FBXL20: variants seen among roughly 807,000 people sequenced by gnomAD.
FBXL20 encodes the protein F-box and leucine rich repeat protein 20.
Under a neutral mutation model 64.0 loss-of-function variants are expected in FBXL20, and 11 were observed. The ratio of observed to expected loss-of-function variants is 0.17; its 90% confidence interval spans 0.11 to 0.28. The LOEUF is 0.28. FBXL20 is among the 10% of genes least tolerant of loss of function. FBXL20 has a pLI of 1.00. For missense variants in FBXL20, 303 were observed against 526.2 expected, an observed-to-expected ratio of 0.58 and a Z score of 4.15; for synonymous variants, 184 against 189.0, an observed-to-expected ratio of 0.97 and a Z score of 0.22.
At chr17:39,367,592 C>CA (rs1224022689) in intron 1 of FBXL20, among the ~76,000 whole-genome samples, 1 of 152,000 alleles carries the variant, frequency 6.6e-6, no homozygotes. Context: ...GCTAGGATTA[C>CA]AGGCATGAGC....
Position 39,261,455 on chromosome 17 carries a change from C to T in FBXL20, c.*5G>A. 6.2e-7 allele frequency: 1 copy of T among 1,610,612 alleles called. No individual in the cohort carries two copies. The highest frequency in any genetic ancestry group is 8.5e-7 in the Non-Finnish European group (1 of 1,176,862). The stretch of plus-strand genomic sequence containing the variant: ...TCAGTTCGCCAAGGTTGACCACCTC[C>T]ATTGTCATAGGATGATGCAGCATCT... On this transcript the variant is annotated 3_prime_UTR_variant, in exon 15 of 15. Coordinates refer to ENST00000264658, the MANE Select transcript of FBXL20 (RefSeq NM_032875.3).
chr17:39,331,144 C>T (rs767791335), intron 2 of FBXL20, among the ~76,000 whole-genome samples: 7 of 152,178 alleles, frequency 4.6e-5, no homozygotes, highest in Non-Finnish European at 7.3e-5. Flanking sequence ...TCTCGCTCTG[C>T]GCCCAGGCTA....
At chr17:39,337,261 T>G (rs948437235) in intron 2 of FBXL20, among the ~76,000 whole-genome samples, 1 of 152,204 alleles carries the variant, frequency 6.6e-6, no homozygotes, top group African/African-American at 2.4e-5. Context: ...GTGCCGGGAT[T>G]GCAGACGGAG....
chr17:39,374,099 C>T (rs931178393), intron 1 of FBXL20, among the ~76,000 whole-genome samples: 1 of 109,794 alleles, frequency 9.1e-6, no homozygotes, highest in Non-Finnish European at 1.9e-5. Context: ...GTGGTGGGCG[C>T]CTGTAGTCCC....
rs1567883085 is a variant in FBXL20, at chr17:39,331,320, C to T, written c.104+11860G>A. Reference sequence around the variant, plus strand: ...TTTACCATGTTAGTCAGGCTGGTCTCGAACTCCTGGACTCAGATTTTCTGC... The same window carrying T: ...TTTACCATGTTAGTCAGGCTGGTCTTGAACTCCTGGACTCAGATTTTCTGC... On this transcript the variant is annotated intron_variant, in intron 2 of 14. Transcript: ENST00000264658. 2.6e-5 allele frequency among the ~76,000 whole-genome samples: 4 copies of T among 152,208 alleles called. No individual in the cohort carries two copies. In the South Asian group the frequency reaches 6.2e-4, roughly 24 times the overall value.
chr17:39,298,771 G>C (rs1413240473), intron 5 of FBXL20, among the ~76,000 whole-genome samples: 2 of 151,762 alleles, frequency 1.3e-5, no homozygotes, highest in Admixed American at 1.3e-4. Context: ...AGCTCCAAAA[G>C]AACCACTTAT....
In FBXL20 at chr17:39,256,334, A is replaced by G. The variant is rs1213561914; in HGVS notation, c.*5126T>C. ...AGACTCCATGTCAAAAAAAAAAAAA[A>G]AAAAAAGAAATATAGGCGAGGAAAG... On this transcript the variant is annotated 3_prime_UTR_variant, in exon 15 of 15. Coordinates refer to ENST00000264658, the MANE Select transcript of FBXL20 (RefSeq NM_032875.3). 2.0e-5 allele frequency: 3 copies of G among 152,002 alleles called. No homozygotes were observed. The highest frequency in any genetic ancestry group is 4.4e-5 in the Non-Finnish European group (3 of 68,032). The allele number at this position is 152,002 out of a possible 1,614,324, so 9.4% of individuals were successfully genotyped here. A position where few individuals can be genotyped will look rare whatever the true frequency, so the allele number is the denominator to read the frequency against.
intron 1 of FBXL20, among the ~76,000 whole-genome samples, chr17:39,373,104 T>A (rs2047934366): frequency 1.3e-5 from 2 of 152,122 alleles, no homozygotes; most frequent in South Asian, 4.1e-4. Context: ...TACCCATTTT[T>A]AATGCTCAGC....
intron 2 of FBXL20, among the ~76,000 whole-genome samples, chr17:39,305,379 T>C (rs1466870291): frequency 6.6e-6 from 1 of 152,170 alleles, no homozygotes; most frequent in Non-Finnish European, 1.5e-5. Flanking sequence ...ATAAGCTACC[T>C]GTGCAAATAG....
At chr17:39,399,524 C>T (rs1429978484) in intron 1 of FBXL20, among the ~76,000 whole-genome samples, 2 of 152,158 alleles carry the variant, frequency 1.3e-5, no homozygotes, top group Non-Finnish European at 2.9e-5. Context: ...CATCTGTATT[C>T]CGGCATGGAA....
At chr17:39,297,388 T>C (rs1412616605) in intron 5 of FBXL20, 193 bp from the exon 6 acceptor site, 1 of 381,958 alleles carries the variant, frequency 2.6e-6, no homozygotes. Context: ...TGTAATTTCC[T>C]GAGTGATAGT....
At chr17:39,395,833 G>C (rs1395039179) in intron 1 of FBXL20, among the ~76,000 whole-genome samples, 2 of 152,132 alleles carry the variant, frequency 1.3e-5, no homozygotes, top group Non-Finnish European at 2.9e-5. Context: ...AAATGATGTA[G>C]AGAGAAGCTC....
intron 1 of FBXL20, among the ~76,000 whole-genome samples, chr17:39,349,099 C>G (rs1020305123): frequency 1.3e-5 from 2 of 151,590 alleles, no homozygotes; most frequent in African/African-American, 4.9e-5. Flanking sequence ...TAAAAATACA[C>G]AAATTAGCCA....
intron 2 of FBXL20, among the ~76,000 whole-genome samples, chr17:39,340,636 T>G (rs2047573471): frequency 6.6e-6 from 1 of 152,132 alleles, no homozygotes; most frequent in African/African-American, 2.4e-5. Flanking sequence ...CTCTATCCTA[T>G]TTTTAGAACT....
intron 9 of FBXL20, among the ~76,000 whole-genome samples, chr17:39,276,630 C>T (rs2046898395): frequency 6.6e-6 from 1 of 152,104 alleles, no homozygotes; most frequent in Admixed American, 6.5e-5. Context: ...GATTGTGCCA[C>T]TGCACTCCAG....
intron 1 of FBXL20, among the ~76,000 whole-genome samples, chr17:39,359,849 C>T (rs2047777366): frequency 6.6e-6 from 1 of 152,126 alleles, no homozygotes; most frequent in African/African-American, 2.4e-5. Context: ...AGGTTCACAA[C>T]AGCCAAAAGG....
At chr17:39,294,473 G>A (rs555244409) in intron 6 of FBXL20, among the ~76,000 whole-genome samples, 13 of 151,562 alleles carry the variant, frequency 8.6e-5, no homozygotes, top group Non-Finnish European at 1.9e-4. Flanking sequence ...GTAGAGGTGG[G>A]GTTTCTCATG....
rs1213949356 is a variant in FBXL20, at chr17:39,360,391, T to TTATAATAATATAAAA, written c.43-17151_43-17150insTTTTATATTATTATA. Among the ~76,000 whole-genome samples, 48 of 152,356 alleles carry TTATAATAATATAAAA rather than the reference T, an allele frequency of 3.2e-4. No homozygotes were observed. The South Asian group carries it at 9.1e-3, about 29-fold the overall frequency. Reference sequence around the variant, plus strand: ...TTGAAATTGCTTTACGTGGTACATCTTATGCATATTTTATAATAAAAATGA... The same window carrying TTATAATAATATAAAA: ...TTGAAATTGCTTTACGTGGTACATCTTATAATAATATAAAATATGCATATTTTATAATAAAAATGA... On this transcript the variant is annotated intron_variant, in intron 1 of 14. Transcript: ENST00000264658.
At chr17:39,276,221 G>GAGAAAAAAAAA (rs2046890707) in intron 9 of FBXL20, among the ~76,000 whole-genome samples, 1 of 60,564 alleles carries the variant, frequency 1.7e-5, no homozygotes. Flanking sequence ...AGCAAGAAAA[G>GAGAAAAAAAAA]AAAAAAAAAA....
Sources: gnomAD v4.1 joint callset for allele counts (sites outside exome capture counted in the v4.1 genomes callset) on GRCh38, gnomAD v4.1.1 for gene constraint, MANE v1.5 for transcripts, NCBI Gene and HGNC (gene_info 2026-07-23, HGNC 2026-07-21) for gene names.